The following PCSK6 variants were observed in gnomAD, a reference collection of about 807,000 sequenced individuals.
The protein encoded by PCSK6 is paired basic amino acid cleaving enzyme 4.
In PCSK6, 85 loss-of-function variants were observed where a neutral mutation model predicts 123.3. That is an observed-to-expected ratio of 0.69 (90% confidence interval 0.58 to 0.83). The LOEUF is 0.83. PCSK6 is among the 40% of genes least tolerant of loss of function. The probability of loss-of-function intolerance (pLI) is 0.00; values close to 1 mark genes in which losing one functional copy is unlikely to be tolerated. For synonymous variants in PCSK6, 508 were observed against 516.0 expected (o/e 0.98, Z 0.21); for missense variants, 1,191 against 1,282.3 (o/e 0.93, Z 1.09).
In PCSK6 at chr15:101,416,422, G is replaced by A. The variant is rs1042317573; in HGVS notation, c.823+11470C>T. On this transcript the variant is annotated intron_variant, in intron 6 of 21. Transcript: ENST00000611716. ...CATTCTGTTTTAAAAGGGAAGCAGA[G>A]CATAAAAGTTCAGAAAATCTGCAGC... 6.3e-4 allele frequency among the ~76,000 whole-genome samples: 96 copies of A among 152,350 alleles called. 1 individual carries two copies. The highest frequency in any genetic ancestry group is 2.2e-3 in the African/African-American group (92 of 41,568).
In PCSK6 at chr15:101,413,005, T is replaced by TGAGGAGGAGGAG. The variant is rs925761371; in HGVS notation, c.824-14441_824-14430dup. 7.5e-5 allele frequency among the ~76,000 whole-genome samples: 8 copies of TGAGGAGGAGGAG among 106,064 alleles called. No homozygotes were observed. The East Asian group carries it at 1.4e-3, about 19-fold the overall frequency. The allele number at this position is 106,064 out of a possible 152,430, so 69.6% of individuals were successfully genotyped here. ...CCTGTCTCTAATAATGGAGGAGGAG[T>TGAGGAGGAGGAG]GAGGAGGAGGAGGAGGAGGAGGAGG... On this transcript the variant is annotated intron_variant, in intron 6 of 21. Transcript: ENST00000611716.
intron 1 of PCSK6, among the ~76,000 whole-genome samples, chr15:101,446,644 A>T (rs929876689): frequency 1.3e-5 from 2 of 152,238 alleles, no homozygotes; most frequent in African/African-American, 4.8e-5. Context: ...CAAAGAGTTC[A>T]TATGTGAACT....
At chr15:101,457,469 T>C (rs2057217661) in intron 1 of PCSK6, among the ~76,000 whole-genome samples, 1 of 152,238 alleles carries the variant, frequency 6.6e-6, no homozygotes, top group Non-Finnish European at 1.5e-5. Flanking sequence ...GGGCGCAGGC[T>C]GGTCAGCTGG....
chr15:101,432,998 A>G (rs1303298583), intron 2 of PCSK6, among the ~76,000 whole-genome samples: 1 of 152,242 alleles, frequency 6.6e-6, no homozygotes, highest in Non-Finnish European at 1.5e-5. Context: ...AAATTTTACA[A>G]TTACTTTCAG....
chr15:101,378,942 G>T (rs2041830361), intron 11 of PCSK6, among the ~76,000 whole-genome samples: 1 of 152,250 alleles, frequency 6.6e-6, no homozygotes, highest in Non-Finnish European at 1.5e-5. Flanking sequence ...TTCCTCTGCA[G>T]CCCGCATTGT....
intron 20 of PCSK6, among the ~76,000 whole-genome samples, chr15:101,309,447 T>C (rs1425331023): frequency 2.0e-5 from 3 of 152,206 alleles, no homozygotes; most frequent in African/African-American, 7.2e-5. Context: ...TGCAACCATC[T>C]ATGGTACCTA....
chr15:101,420,819 C>T (rs12441549), intron 6 of PCSK6, among the ~76,000 whole-genome samples: 11,886 of 152,324 alleles, frequency 0.078, 573 homozygotes, highest in East Asian at 0.17. Context: ...CCACTCTCCT[C>T]TCTGGAAACA....
intron 13 of PCSK6, among the ~76,000 whole-genome samples, chr15:101,344,087 T>A (rs186498338): frequency 0.11 from 16,403 of 151,156 alleles, 1,166 homozygotes; most frequent in Non-Finnish European, 0.15. Context: ...AAAAAAAAAA[T>A]AAATAAATAA....
At chr15:101,349,252 A>C (rs2040828818) in intron 13 of PCSK6, among the ~76,000 whole-genome samples, 1 of 152,186 alleles carries the variant, frequency 6.6e-6, no homozygotes, top group South Asian at 2.1e-4. Context: ...GGCAGTTTCA[A>C]CACAAAGCTT....
At chr15:101,482,901 G>T (rs1377903824) in intron 1 of PCSK6, among the ~76,000 whole-genome samples, 1 of 152,180 alleles carries the variant, frequency 6.6e-6, no homozygotes. Context: ...AGCTGGCTCG[G>T]CTTTGATCAC....
intron 7 of PCSK6, among the ~76,000 whole-genome samples, chr15:101,397,877 CT>C (rs1194622557): frequency 6.6e-6 from 1 of 152,238 alleles, no homozygotes; most frequent in East Asian, 1.9e-4. Context: ...TGCTTAGCCC[CT>C]TGTGAGGTTC....
chr15:101,386,283 C>T (rs1038326929), intron 9 of PCSK6, among the ~76,000 whole-genome samples: 3 of 152,180 alleles, frequency 2.0e-5, no homozygotes, highest in Non-Finnish European at 4.4e-5. Flanking sequence ...CCAGCTGCCC[C>T]GGCCTCCCCA....
At position 101,366,187 on chromosome 15, in the gene PCSK6, G is replaced by C; in HGVS notation, c.1858+9C>G. ...AAAAGCTGTCATGAGATTCCCAAGA[G>C]CCACTGACCTTGCTTCTCCGGGTTG... On this transcript the variant is annotated intron_variant, in intron 13 of 21. Coordinates refer to ENST00000611716, the MANE Select transcript of PCSK6 (RefSeq NM_002570.5). 6.2e-7 allele frequency: 1 copy of C among 1,608,862 alleles called. No individual in the cohort carries two copies. Among genetic ancestry groups the C allele is most frequent in the African/African-American group, 1.3e-5 (1 of 74,788 alleles).
At chr15:101,448,185 C>T (rs572948802) in intron 1 of PCSK6, among the ~76,000 whole-genome samples, 1 of 152,298 alleles carries the variant, frequency 6.6e-6, no homozygotes, top group African/African-American at 2.4e-5. Context: ...TTGCTGAATA[C>T]AGGGTGCTCA....
At chr15:101,353,064 A>G (rs1476410099) in intron 13 of PCSK6, among the ~76,000 whole-genome samples, 1 of 152,242 alleles carries the variant, frequency 6.6e-6, no homozygotes, top group South Asian at 2.1e-4. Flanking sequence ...CAAGCACATG[A>G]CAATCATTGT....
chr15:101,398,996 G>A lies in PCSK6; in HGVS notation c.824-420C>T, dbSNP rs112642675. ...CGGCTCACTGCAAGCTCCACCTCCC[G>A]GGTTCAAGTGATTCTCCTGCCTCAG... On this transcript the variant is annotated intron_variant, in intron 6 of 21. Transcript: ENST00000611716. This position sits in a 1 kb window ranked among gnomAD's most constrained non-coding sequence, Gnocchi z 4.6. Among the ~76,000 whole-genome samples, 7 of 152,066 alleles carry A rather than the reference G, an allele frequency of 4.6e-5. No homozygotes were observed. The highest frequency in any genetic ancestry group is 7.4e-5 in the Non-Finnish European group (5 of 68,026).
chr15:101,430,137 G>T, intron 4 of PCSK6, 74 bp from the exon 5 acceptor site: 1 of 1,195,664 alleles, frequency 8.4e-7, no homozygotes, highest in Non-Finnish European at 1.2e-6. Context: ...TTTATGTTCC[G>T]TTGGCAAATA....
intron 1 of PCSK6, among the ~76,000 whole-genome samples, chr15:101,459,423 C>A (rs189771543): frequency 1.8e-4 from 27 of 152,058 alleles, no homozygotes; most frequent in African/African-American, 6.0e-4. Flanking sequence ...GCTTGCTCCG[C>A]GTCTCCTCTC....
At chr15:101,428,321 G>A (rs2056329285) in intron 5 of PCSK6, among the ~76,000 whole-genome samples, 1 of 152,358 alleles carries the variant, frequency 6.6e-6, no homozygotes, top group Admixed American at 6.5e-5. Context: ...TTGGCACATG[G>A]CCACTGCTGT....
Sources: allele counts gnomAD v4.1 joint callset (sites outside exome capture counted in the v4.1 genomes callset), GRCh38; gene constraint gnomAD v4.1.1; non-coding constraint Gnocchi (gnomAD v3.1); transcripts MANE v1.5; gene names NCBI Gene and HGNC (gene_info 2026-07-23, HGNC 2026-07-21).